ATG7: variants seen among roughly 807,000 people sequenced by gnomAD.
ATG7 encodes the protein ubiquitin-like modifier-activating enzyme ATG7.
A neutral mutation model predicts 82.4 loss-of-function variants in ATG7; 70 were observed. That is an observed-to-expected ratio of 0.85 (90% CI 0.70 to 1.04). The LOEUF is 1.04. Among genes scored for constraint, ATG7 ranks in the 50% least tolerant of loss-of-function variants. The probability of loss-of-function intolerance (pLI) is 0.00; values close to 1 mark genes in which losing one functional copy is unlikely to be tolerated. For missense variants in ATG7, 792 were observed against 864.3 expected, an observed-to-expected ratio of 0.92 and a Z score of 1.05; for synonymous variants, 287 against 313.0, an observed-to-expected ratio of 0.92 and a Z score of 0.88.
chr3:11,491,518 G>A (rs1266687028), intron 20 of ATG7, among the ~76,000 whole-genome samples: 5 of 152,164 alleles, frequency 3.3e-5, no homozygotes, highest in Non-Finnish European at 5.9e-5. Context: ...CTGGTGAGGA[G>A]CTGCGTTCCT....
At position 11,406,684 on chromosome 3, in the gene ATG7, T is replaced by C. The variant is rs577164468; in HGVS notation, c.1957-20120T>C. Among the ~76,000 whole-genome samples, 22 of 152,156 alleles carry C rather than the reference T, an allele frequency of 1.4e-4. No homozygotes were observed. In the South Asian group the frequency reaches 3.5e-3, roughly 24 times the overall value. Reference sequence around the variant, plus strand: ...GGCTGGGGAGGCCTCACAATCCTGGTGGAAGGTAAGGAGGAGCAAGTCACA... The same window carrying C: ...GGCTGGGGAGGCCTCACAATCCTGGCGGAAGGTAAGGAGGAGCAAGTCACA... On this transcript the variant is annotated intron_variant, in intron 19 of 20. Coordinates refer to ENST00000693202, the MANE Select transcript of ATG7 (RefSeq NM_001349232.2).
chr3:11,302,350 TG>T (rs1221639304), intron 5 of ATG7, among the ~76,000 whole-genome samples: 1 of 152,212 alleles, frequency 6.6e-6, no homozygotes, highest in African/African-American at 2.4e-5. Context: ...TGAAAGTGCT[TG>T]GGACTTCTCA....
At chr3:11,562,693 T>C in the ATG7 span, among the ~76,000 whole-genome samples, 3 of 152,158 alleles carry the variant, frequency 2.0e-5, no homozygotes, top group South Asian at 2.1e-4. Context: ...GGTTACGACA[T>C]GAATGACATG....
intron 20 of ATG7, among the ~76,000 whole-genome samples, chr3:11,516,756 G>T (rs1201815896): frequency 1.3e-5 from 2 of 152,180 alleles, no homozygotes; most frequent in Non-Finnish European, 2.9e-5. Context: ...GAGCTATCAA[G>T]CCATTAAAGA....
intron 19 of ATG7, among the ~76,000 whole-genome samples, chr3:11,406,720 A>G (rs939779591): frequency 6.6e-6 from 1 of 152,174 alleles, no homozygotes; most frequent in Admixed American, 6.5e-5. Flanking sequence ...TCTTACGTGG[A>G]TGGCAGCAGG....
At position 11,387,879 on chromosome 3, in the gene ATG7, A is replaced by G. The variant is rs911781755; in HGVS notation, c.1956+7827A>G. On this transcript the variant is annotated intron_variant, in intron 19 of 20. Coordinates refer to ENST00000693202, the MANE Select transcript of ATG7 (RefSeq NM_001349232.2). ...CAGCTACTCAGGAGGCTGAGGCAGG[A>G]GAATGGTGTGAACCTGGGAGGCAGA... Among the ~76,000 whole-genome samples, 6 of 152,294 alleles carry G rather than the reference A, an allele frequency of 3.9e-5. No individual in the cohort carries two copies. In the Middle Eastern group the frequency reaches 0.017, roughly 432 times the overall value.
intron 19 of ATG7, among the ~76,000 whole-genome samples, chr3:11,408,675 G>A (rs915486880): frequency 1.3e-5 from 2 of 152,238 alleles, no homozygotes; most frequent in Non-Finnish European, 2.9e-5. Context: ...CGGGCAAAGA[G>A]AGAGCTTGTA....
chr3:11,493,033 G>A (rs1258228120), intron 20 of ATG7, among the ~76,000 whole-genome samples: 1 of 152,266 alleles, frequency 6.6e-6, no homozygotes, highest in African/African-American at 2.4e-5. Flanking sequence ...GGGCCAGTGT[G>A]ACAGCCTTTT....
intron 20 of ATG7, among the ~76,000 whole-genome samples, chr3:11,553,704 T>G (rs1383793781): frequency 1.3e-5 from 2 of 152,088 alleles, no homozygotes; most frequent in Admixed American, 6.5e-5. Flanking sequence ...AGAGCTCAGA[T>G]AGTTTGGCCT....
chr3:11,279,235 TGA>T (rs1942534685), intron 1 of ATG7, among the ~76,000 whole-genome samples: 1 of 152,220 alleles, frequency 6.6e-6, no homozygotes, highest in African/African-American at 2.4e-5. Context: ...CTGCATTTAT[TGA>T]GAGAGAGCCA....
rs113124207 is a variant in ATG7, at chr3:11,538,044, C to T, written c.2080-16767C>T. Among the ~76,000 whole-genome samples the T allele has an allele frequency of 1.5e-3, 234 of 152,298 alleles. 2 individuals carry two copies. Among genetic ancestry groups the T allele is most frequent in the African/African-American group, 5.1e-3 (213 of 41,558 alleles). ...AGGGCATAGGTCCCAGTGTGGGATT[C>T]CAGATGACCCCTGTTGTCCAGCTGG... On this transcript the variant is annotated intron_variant, in intron 20 of 20. Transcript: ENST00000693202.
At chr3:11,523,478 C>T (rs1002045647) in intron 20 of ATG7, among the ~76,000 whole-genome samples, 3 of 152,204 alleles carry the variant, frequency 2.0e-5, no homozygotes, top group African/African-American at 7.2e-5. Flanking sequence ...ACCCATTCTT[C>T]CTTTAGGCAG....
chr3:11,362,578 A>G (rs912952466), intron 16 of ATG7, among the ~76,000 whole-genome samples: 1 of 152,110 alleles, frequency 6.6e-6, no homozygotes, highest in Non-Finnish European at 1.5e-5. Context: ...ATATCCCCCA[A>G]TCTGTTTAGG....
At chr3:11,521,152 C>T (rs189834671) in intron 20 of ATG7, among the ~76,000 whole-genome samples, 7 of 151,718 alleles carry the variant, frequency 4.6e-5, no homozygotes, top group South Asian at 2.1e-4. Context: ...TGAGATAATA[C>T]ATGTGCAGCA....
rs534787215 is a variant in ATG7 at position 11,448,131 on chromosome 3, C to T, written c.2079+21205C>T. 2.4e-4 allele frequency among the ~76,000 whole-genome samples: 37 copies of T among 152,314 alleles called. No homozygotes were observed. The South Asian group carries it at 3.7e-3, about 15-fold the overall frequency. The stretch of plus-strand genomic sequence containing the variant: ...GATTTACCCCCATCTTCTCACCTAA[C>T]CACAGATACCAGAAAAGAAGTCTTT... On this transcript the variant is annotated intron_variant, in intron 20 of 20. Coordinates refer to ENST00000693202, the MANE Select transcript of ATG7 (RefSeq NM_001349232.2).
intron 9 of ATG7, among the ~76,000 whole-genome samples, chr3:11,323,622 C>T (rs527292007): frequency 6.6e-6 from 1 of 152,314 alleles, no homozygotes; most frequent in South Asian, 2.1e-4. Flanking sequence ...TCATTCAGAG[C>T]AGTTATTGAA....
chr3:11,322,391 A>G (rs888642971), intron 9 of ATG7, among the ~76,000 whole-genome samples: 1 of 152,262 alleles, frequency 6.6e-6, no homozygotes, highest in Admixed American at 6.5e-5. Context: ...AATACTGGCA[A>G]ATAAATGAAC....
In ATG7 at chr3:11,360,468, T is replaced by A. The variant is rs539946856; in HGVS notation, c.1480-113T>A. 112 of 1,068,052 alleles carry A rather than the reference T, an allele frequency of 1.0e-4. 2 individuals carry two copies. In the South Asian group the frequency reaches 1.7e-3, roughly 16 times the overall value. The allele number at this position is 1,068,052 out of a possible 1,614,324, so 66.2% of individuals were successfully genotyped here. A position where few individuals can be genotyped will look rare whatever the true frequency, so the allele number is the denominator to read the frequency against. ...ATCATCATTAGCTTTTATAATCTAATTACACTTACATGCAAAAAATAAATT... is the reference window on the plus strand; with the variant it reads ...ATCATCATTAGCTTTTATAATCTAAATACACTTACATGCAAAAAATAAATT... On this transcript the variant is annotated intron_variant, in intron 15 of 20. Transcript: ENST00000693202.
chr3:11,571,973 G>A, the ATG7 span, among the ~76,000 whole-genome samples: 2 of 152,200 alleles, frequency 1.3e-5, no homozygotes, highest in African/African-American at 4.8e-5. Flanking sequence ...TGGGCGTGGT[G>A]TCACGTACCT....
Sources: allele counts gnomAD v4.1 joint callset (sites outside exome capture counted in the v4.1 genomes callset), GRCh38; gene constraint gnomAD v4.1.1; transcripts MANE v1.5; gene names NCBI Gene and HGNC (gene_info 2026-07-23, HGNC 2026-07-21).